EEFSEC: variants seen among roughly 807,000 people sequenced by gnomAD.
EEFSEC encodes the protein selenocysteine-specific elongation factor.
Under a neutral mutation model 42.1 loss-of-function variants are expected in EEFSEC, and 43 were observed. That is an observed-to-expected ratio of 1.02 (90% CI 0.80 to 1.32). The LOEUF (loss-of-function observed/expected upper bound fraction) is 1.32. EEFSEC is among the 40% of genes most tolerant of loss of function. EEFSEC has a pLI of 0.00. For synonymous variants in EEFSEC, 354 were observed against 339.1 expected, an observed-to-expected ratio of 1.04 and a Z score of -0.48; for missense variants, 745 against 803.6, an observed-to-expected ratio of 0.93 and a Z score of 0.88.
chr3:128,174,517 C>CAAAA (rs2065329158), intron 1 of EEFSEC, among the ~76,000 whole-genome samples: 1 of 152,186 alleles, frequency 6.6e-6, no homozygotes, highest in South Asian at 2.1e-4. Context: ...CAGACTGCCT[C>CAAAA]AAAGAACTTC....
At chr3:128,158,555 C>T (rs1944418885) in intron 1 of EEFSEC, among the ~76,000 whole-genome samples, 1 of 152,226 alleles carries the variant, frequency 6.6e-6, no homozygotes, top group Non-Finnish European at 1.5e-5. Context: ...AGGCAAGACC[C>T]TCCACCAGCA....
At chr3:128,220,827 T>A (rs1428096513) in intron 1 of EEFSEC, among the ~76,000 whole-genome samples, 1 of 152,244 alleles carries the variant, frequency 6.6e-6, no homozygotes, top group Non-Finnish European at 1.5e-5. Context: ...TGTGCATTGC[T>A]GCCAGTTCTT....
intron 4 of EEFSEC, among the ~76,000 whole-genome samples, chr3:128,310,392 T>C (rs1037217035): frequency 6.6e-6 from 1 of 152,260 alleles, no homozygotes; most frequent in Non-Finnish European, 1.5e-5. Flanking sequence ...TTGTGGCTTT[T>C]ACTCACTCTC....
chr3:128,372,697 C>G lies in EEFSEC; in HGVS notation c.1600+14324C>G, dbSNP rs2067668115. ...ATCCACTACAGTGTAGAAATCCACT[C>G]TTTTGTTCCTTCAGCACCCCCTGAG... On this transcript the variant is annotated intron_variant, in intron 6 of 6. Transcript: ENST00000254730. Among the ~76,000 whole-genome samples the G allele has an allele frequency of 1.3e-5, 2 of 152,174 alleles. 1 individual carries two copies. Among genetic ancestry groups the G allele is most frequent in the South Asian group, 4.1e-4 (2 of 4,832 alleles).
intron 6 of EEFSEC, among the ~76,000 whole-genome samples, chr3:128,390,948 C>T (rs570204663): frequency 2.6e-5 from 4 of 152,370 alleles, no homozygotes; most frequent in African/African-American, 7.2e-5. Context: ...GATGTCATCC[C>T]ACCCTGGGCC....
intron 4 of EEFSEC, among the ~76,000 whole-genome samples, chr3:128,291,841 A>T (rs1385698231): frequency 6.6e-6 from 1 of 152,242 alleles, no homozygotes; most frequent in Non-Finnish European, 1.5e-5. Flanking sequence ...TGGTGAGAAC[A>T]GATATCTTTA....
intron 1 of EEFSEC, among the ~76,000 whole-genome samples, chr3:128,245,098 C>T (rs1231113762): frequency 6.6e-6 from 1 of 152,200 alleles, no homozygotes; most frequent in African/African-American, 2.4e-5. Context: ...CGCTCCTGCC[C>T]AGCAGTATAT....
intron 1 of EEFSEC, among the ~76,000 whole-genome samples, chr3:128,234,601 A>G (rs1415579015): frequency 6.6e-6 from 1 of 152,214 alleles, no homozygotes; most frequent in Non-Finnish European, 1.5e-5. Context: ...CTGAAACCTC[A>G]TTAACAGAAA....
intron 4 of EEFSEC, among the ~76,000 whole-genome samples, chr3:128,307,079 C>T (rs1247315423): frequency 6.6e-6 from 1 of 152,268 alleles, no homozygotes. Context: ...CTCACCAGTA[C>T]GTCCTACCTG....
chr3:128,312,418 G>C (rs867784215), intron 4 of EEFSEC, among the ~76,000 whole-genome samples: 4 of 152,244 alleles, frequency 2.6e-5, no homozygotes, highest in Non-Finnish European at 5.9e-5. Flanking sequence ...ACTTCCATGC[G>C]CAGAGGATGG....
chr3:128,336,864 T>C (rs2067195484), intron 4 of EEFSEC: 1 of 152,240 alleles, frequency 6.6e-6, no homozygotes, highest in Non-Finnish European at 1.5e-5. Context: ...AACCCAACTG[T>C]CTAAAACTAT....
At chr3:128,391,541 C>T (rs1386893081) in intron 6 of EEFSEC, among the ~76,000 whole-genome samples, 1 of 152,212 alleles carries the variant, frequency 6.6e-6, no homozygotes, top group Non-Finnish European at 1.5e-5. Context: ...TGGTGGAGTC[C>T]AGGCATGGCA....
At chr3:128,227,008 C>T (rs1021713024) in intron 1 of EEFSEC, among the ~76,000 whole-genome samples, 1 of 152,200 alleles carries the variant, frequency 6.6e-6, no homozygotes, top group Admixed American at 6.5e-5. Flanking sequence ...CCTGCCCCGG[C>T]CCCTCTCGGG....
At chr3:128,330,257 G>T (rs921049468) in intron 4 of EEFSEC, among the ~76,000 whole-genome samples, 1 of 152,186 alleles carries the variant, frequency 6.6e-6, no homozygotes, top group African/African-American at 2.4e-5. Context: ...GGTTAATCAC[G>T]AGGGTTTGTT....
At chr3:128,400,394 G>A (rs1484416221) in intron 6 of EEFSEC, among the ~76,000 whole-genome samples, 1 of 152,250 alleles carries the variant, frequency 6.6e-6, no homozygotes, top group East Asian at 1.9e-4. Flanking sequence ...GAGCCTGGCT[G>A]AATCCAAGGC....
chr3:128,159,573 G>A (rs2999048), intron 1 of EEFSEC, among the ~76,000 whole-genome samples: 64,690 of 151,972 alleles, frequency 0.43, 16,484 homozygotes, highest in African/African-American at 0.71. Context: ...CAGCCACTTT[G>A]TGGCCCATAG....
At chr3:128,302,775 CATATACTCACGTAT>C (rs2066784158) in intron 4 of EEFSEC, among the ~76,000 whole-genome samples, 1 of 152,098 alleles carries the variant, frequency 6.6e-6, no homozygotes, top group Non-Finnish European at 1.5e-5. Context: ...CAATTTTATG[CATATACTCACGTAT>C]ATAAGTGTAT....
At position 128,408,404 on chromosome 3, in the gene EEFSEC, C is replaced by T; in HGVS notation, c.*145C>T. 1.1e-6 allele frequency: 1 copy of T among 896,740 alleles called. No individual in the cohort carries two copies. Among genetic ancestry groups the T allele is most frequent in the Non-Finnish European group, 1.6e-6 (1 of 613,076 alleles). 55.5% of individuals were successfully genotyped at this position (896,740 alleles called of 1,614,324 possible). Reference sequence around the variant, plus strand: ...CCCCACCCCCAAGCTTGGTGCTGAGCCCTGGTGAGGAGCTGAGGGGGATGG... The same window carrying T: ...CCCCACCCCCAAGCTTGGTGCTGAGTCCTGGTGAGGAGCTGAGGGGGATGG... On this transcript the variant is annotated 3_prime_UTR_variant, in exon 7 of 7. Transcript: ENST00000254730.
chr3:128,352,533 C>A (rs1225484875), intron 5 of EEFSEC, among the ~76,000 whole-genome samples: 2 of 152,232 alleles, frequency 1.3e-5, no homozygotes, highest in Admixed American at 6.5e-5. Flanking sequence ...ATTCCCAGCG[C>A]AACCCTCTGT....
Sources: allele counts gnomAD v4.1 joint callset (sites outside exome capture counted in the v4.1 genomes callset), GRCh38; gene constraint gnomAD v4.1.1; transcripts MANE v1.5; gene names NCBI Gene and HGNC (gene_info 2026-07-23, HGNC 2026-07-21).